The following UBTD1 variants were observed in gnomAD, a reference collection of about 807,000 sequenced individuals.
The protein encoded by UBTD1 is ubiquitin domain containing 1, also known as ubiquitin domain-containing protein 1.
In UBTD1, 19 loss-of-function variants were observed where a neutral mutation model predicts 21.7. That is an observed-to-expected ratio of 0.87 (90% confidence interval 0.61 to 1.28). The LOEUF (loss-of-function observed/expected upper bound fraction) is 1.28, where lower values mean the gene tolerates loss of function less well. Ranked by LOEUF, UBTD1 falls within the 50% of genes most tolerant of loss-of-function variation. The probability of loss-of-function intolerance (pLI) is 0.00; values close to 1 mark genes in which losing one functional copy is unlikely to be tolerated. For synonymous variants in UBTD1, 116 were observed against 135.1 expected (o/e 0.86, Z 0.98); for missense variants, 282 against 315.1 (o/e 0.89, Z 0.80).
intron 1 of UBTD1, among the ~76,000 whole-genome samples, chr10:97,563,237 C>T (rs942995849): frequency 2.0e-5 from 3 of 152,064 alleles, no homozygotes; most frequent in Non-Finnish European, 2.9e-5. Flanking sequence ...GGGGGTTCAG[C>T]GTAATTATTT....
In UBTD1 at chr10:97,570,325, G is replaced by C. The variant is rs748382068; in HGVS notation, c.486G>C (p.Arg162Ser). ...GCCTGTCCACGGGCAAGGACGTGAGGCTCAGCGCCAGCCTGCCCGACACAG... is the reference window on the plus strand; with the variant it reads ...GCCTGTCCACGGGCAAGGACGTGAGCCTCAGCGCCAGCCTGCCCGACACAG... ...KVRLSTGKDV[R>S]LSASLPDTVG... Residue 162 changes from arginine to serine, a missense_variant, in exon 3 of 3, where the codon AGG becomes AGC. Transcript: ENST00000370664. This position sits in a 1 kb window ranked among gnomAD's most constrained non-coding sequence, Gnocchi z 6.6. 1 of 1,613,144 alleles carries C rather than the reference G, an allele frequency of 6.2e-7. No homozygotes were observed.
intron 1 of UBTD1, among the ~76,000 whole-genome samples, chr10:97,552,481 C>CGCCTCCTCAGTTCAAGCAATTCTCCT (rs1371188006): frequency 2.7e-5 from 4 of 147,654 alleles, no homozygotes; most frequent in African/African-American, 9.9e-5. Flanking sequence ...CTGCAACCTC[C>CGCCTCCTCAGTTCAAGCAATTCTCCT]GCCTCCTCAG....
At chr10:97,517,069 A>G (rs559125257) in intron 1 of UBTD1, among the ~76,000 whole-genome samples, 1 of 152,310 alleles carries the variant, frequency 6.6e-6, no homozygotes, top group East Asian at 1.9e-4. Flanking sequence ...GGAGTAGGGC[A>G]GGATAGAAGA....
At chr10:97,524,526 T>C (rs2040479864) in intron 1 of UBTD1, among the ~76,000 whole-genome samples, 1 of 151,964 alleles carries the variant, frequency 6.6e-6, no homozygotes, top group South Asian at 2.1e-4. Context: ...CCAAGACAGG[T>C]TTTTGAGGAC....
intron 1 of UBTD1, among the ~76,000 whole-genome samples, chr10:97,511,102 A>C (rs1564735233): frequency 6.6e-6 from 1 of 152,132 alleles, no homozygotes; most frequent in Non-Finnish European, 1.5e-5. Context: ...GGCACTGCTG[A>C]TAAACTTCCA....
At chr10:97,559,545 T>C (rs2135685475) in intron 1 of UBTD1, among the ~76,000 whole-genome samples, 1 of 152,350 alleles carries the variant, frequency 6.6e-6, no homozygotes, top group South Asian at 2.1e-4. Context: ...TTTAATAATA[T>C]TTCTTGTATG....
At chr10:97,533,468 T>C (rs529727919) in intron 1 of UBTD1, among the ~76,000 whole-genome samples, 1 of 152,274 alleles carries the variant, frequency 6.6e-6, no homozygotes, top group South Asian at 2.1e-4. Flanking sequence ...TTCTACGCCA[T>C]AGCGGGTGGG....
chr10:97,508,907 T>C (rs557936117), intron 1 of UBTD1, among the ~76,000 whole-genome samples: 1 of 152,216 alleles, frequency 6.6e-6, no homozygotes, highest in African/African-American at 2.4e-5. Flanking sequence ...TCCTCCTCCT[T>C]CTCCCAGAGC....
intron 1 of UBTD1, among the ~76,000 whole-genome samples, chr10:97,511,964 G>A (rs946262041): frequency 6.6e-6 from 1 of 152,126 alleles, no homozygotes; most frequent in African/African-American, 2.4e-5. Context: ...AGGAGCTGCT[G>A]TTTGAATCCT....
chr10:97,558,469 G>T (rs1377146960), intron 1 of UBTD1, among the ~76,000 whole-genome samples: 6 of 152,158 alleles, frequency 3.9e-5, no homozygotes, highest in South Asian at 4.1e-4. Flanking sequence ...CTTTGGACGT[G>T]GGGGCAGCCT....
At position 97,499,114 on chromosome 10, in the gene UBTD1, G is replaced by C. The variant is rs911319576; in HGVS notation, c.-90G>C. The C allele has an allele frequency of 2.9e-6, 4 of 1,400,780 alleles. No individual in the cohort carries two copies. Among genetic ancestry groups the C allele is most frequent in the Non-Finnish European group, 3.8e-6 (4 of 1,052,702 alleles). The allele number at this position is 1,400,780 out of a possible 1,614,324, so 86.8% of individuals were successfully genotyped here. On this transcript the variant is annotated 5_prime_UTR_variant, in exon 1 of 3. Transcript: ENST00000370664. ...ATCGGGGAGCGCCCGATGCCGGGCG[G>C]CCGGAGCCATTGACCCGGGACGCCG...
Position 97,563,607 on chromosome 10 carries a change from G to C in UBTD1, c.71-4307G>C, listed in dbSNP as rs575496129. 2.0e-5 allele frequency among the ~76,000 whole-genome samples: 3 copies of C among 152,274 alleles called. 1 individual carries two copies. In the South Asian group the frequency reaches 6.2e-4, roughly 32 times the overall value. On this transcript the variant is annotated intron_variant, in intron 1 of 2. Coordinates refer to ENST00000370664, the MANE Select transcript of UBTD1 (RefSeq NM_024954.5). ...TATTGGAGGGTACCCCGTCAGCAAA[G>C]ATCATCTATCCACTCCAAGAGGGAG...
chr10:97,551,874 A>C (rs1325845377), intron 1 of UBTD1, among the ~76,000 whole-genome samples: 4 of 152,222 alleles, frequency 2.6e-5, no homozygotes, highest in African/African-American at 9.6e-5. Flanking sequence ...CCAATGAAAT[A>C]TAACCACTGT....
In UBTD1 at chr10:97,499,012, T is replaced by G; in HGVS notation, c.-192T>G. 1 of 616,214 alleles carries G rather than the reference T, an allele frequency of 1.6e-6. No individual in the cohort carries two copies. The highest frequency in any genetic ancestry group is 3.4e-5 in the Admixed American group (1 of 29,312). 38.2% of individuals were successfully genotyped at this position (616,214 alleles called of 1,614,324 possible). On this transcript the variant is annotated 5_prime_UTR_variant, in exon 1 of 3. Coordinates refer to ENST00000370664, the MANE Select transcript of UBTD1 (RefSeq NM_024954.5). ...CCACCTGGGACCGTGCTGGGGAGTC[T>G]GCCACTTCCCTCTCTCCCCTGGCCC... is the stretch of plus-strand genomic sequence containing the variant.
chr10:97,534,505 C>G (rs957317141), intron 1 of UBTD1, among the ~76,000 whole-genome samples: 2 of 151,970 alleles, frequency 1.3e-5, no homozygotes, highest in Admixed American at 1.3e-4. Context: ...GCGTTTCCCC[C>G]TAAGTCTCAA....
At chr10:97,568,230 G>A in intron 2 of UBTD1, 89 bp downstream of exon 2, 1 of 1,402,762 alleles carries the variant, frequency 7.1e-7, no homozygotes, top group Non-Finnish European at 9.9e-7. Context: ...GGAGCGGTGG[G>A]GCAGGTGGTT....
At chr10:97,544,889 G>A (rs1589878762) in intron 1 of UBTD1, among the ~76,000 whole-genome samples, 2 of 151,952 alleles carry the variant, frequency 1.3e-5, no homozygotes, top group South Asian at 4.2e-4. Flanking sequence ...AAGTTGAAGT[G>A]GATCATCATA....
intron 1 of UBTD1, among the ~76,000 whole-genome samples, chr10:97,515,139 G>T (rs531300195): frequency 6.6e-6 from 1 of 152,364 alleles, no homozygotes; most frequent in East Asian, 1.9e-4. Context: ...AGTTGGACTT[G>T]CTGGCCTGCA....
intron 1 of UBTD1, among the ~76,000 whole-genome samples, chr10:97,528,206 G>A (rs2040501474): frequency 1.2e-5 from 1 of 82,454 alleles, no homozygotes; most frequent in Non-Finnish European, 2.7e-5. Flanking sequence ...TGGACGGGGC[G>A]GCTGGCCGGG....
Sources: allele counts gnomAD v4.1 joint callset (sites outside exome capture counted in the v4.1 genomes callset), GRCh38; gene constraint gnomAD v4.1.1; non-coding constraint Gnocchi (gnomAD v3.1); transcripts MANE v1.5; gene names NCBI Gene and HGNC (gene_info 2026-07-23, HGNC 2026-07-21).